Variants in DNAH11 observed in about 807,000 individuals in gnomAD.
DNAH11 encodes the protein dynein axonemal heavy chain 11.
A neutral mutation model predicts 526.0 loss-of-function variants in DNAH11; 442 were observed. The ratio of observed to expected loss-of-function variants is 0.84; its 90% confidence interval spans 0.78 to 0.91. The LOEUF is 0.91. Ranked by LOEUF, DNAH11 falls within the 40% of genes least tolerant of loss-of-function variation. DNAH11 has a pLI of 0.00. For synonymous variants in DNAH11, 2,461 were observed against 1,935.9 expected (o/e 1.27, Z -7.12); for missense variants, 6,989 against 5,448.7 (o/e 1.28, Z -8.90).
intron 54 of DNAH11, among the ~76,000 whole-genome samples, chr7:21,757,486 T>C (rs577963894): frequency 6.6e-6 from 1 of 152,338 alleles, no homozygotes; most frequent in South Asian, 2.1e-4. Flanking sequence ...TTTCTTTCCT[T>C]CCAGCCTTTT....
At chr7:21,634,035 A>C (rs570948750) in intron 25 of DNAH11, among the ~76,000 whole-genome samples, 4 of 152,246 alleles carry the variant, frequency 2.6e-5, no homozygotes, top group Non-Finnish European at 5.9e-5. Context: ...TAGTGTTAAC[A>C]TCTCTTCAGA....
chr7:21,738,734 G>C lies in DNAH11; in HGVS notation c.7679G>C (p.Gly2560Ala), dbSNP rs1192456656. Residue 2560 changes from glycine (G) to alanine (A), a missense_variant, in exon 47 of 82, where the codon GGT (glycine) becomes GCT (alanine). Gly to Ala is a moderately conservative substitution (Grantham distance 60). Transcript: ENST00000409508. ...GAGAAACCCCTAGAGAAAAAAGCTG[G>C]TCATAACTATGGTCCTGGAGGAAAT... is the stretch of plus-strand genomic sequence containing the variant. ...ILEKPLEKKA[G>A]HNYGPGGNKK... The C allele has an allele frequency of 3.8e-6, 6 of 1,583,126 alleles. No homozygotes were observed. Among genetic ancestry groups the C allele is most frequent in the Non-Finnish European group, 5.2e-6 (6 of 1,164,372 alleles).
At chr7:21,764,743 T>TA (rs1787097103) in intron 54 of DNAH11, among the ~76,000 whole-genome samples, 1 of 152,156 alleles carries the variant, frequency 6.6e-6, no homozygotes, top group Non-Finnish European at 1.5e-5. Context: ...CTTGTGTCCC[T>TA]AAAAAAAGTA....
intron 30 of DNAH11, among the ~76,000 whole-genome samples, chr7:21,669,555 G>C (rs140774736): frequency 6.6e-6 from 1 of 152,078 alleles, no homozygotes; most frequent in African/African-American, 2.4e-5. Flanking sequence ...TTTTCTTAAT[G>C]GCATATTTTA....
At chr7:21,595,425 A>G (rs780539472) in intron 14 of DNAH11, among the ~76,000 whole-genome samples, 13 of 152,232 alleles carry the variant, frequency 8.5e-5, no homozygotes, top group Non-Finnish European at 1.3e-4. Flanking sequence ...GGTAGCAGTG[A>G]AAGTGATTAG....
intron 45 of DNAH11, among the ~76,000 whole-genome samples, chr7:21,733,088 AAAG>A (rs1404136889): frequency 1.3e-5 from 2 of 152,186 alleles, no homozygotes; most frequent in Admixed American, 6.5e-5. Context: ...CTCTCCCAGC[AAAG>A]AAGAAGCAGG....
intron 39 of DNAH11, 23 bp downstream of exon 39, chr7:21,705,560 T>TG: frequency 1.2e-6 from 2 of 1,607,626 alleles, no homozygotes; most frequent in Non-Finnish European, 1.7e-6. Flanking sequence ...GCCTAATAGC[T>TG]TACAGCTATG....
intron 56 of DNAH11, among the ~76,000 whole-genome samples, chr7:21,775,633 C>G (rs1212409518): frequency 1.3e-5 from 2 of 150,948 alleles, no homozygotes; most frequent in Non-Finnish European, 1.5e-5. Context: ...AAAAACAAGT[C>G]TGTCTTTCCT....
chr7:21,578,704 C>T (rs1439263338), intron 8 of DNAH11, among the ~76,000 whole-genome samples: 1 of 152,220 alleles, frequency 6.6e-6, no homozygotes, highest in African/African-American at 2.4e-5. Context: ...GCCTAGACAT[C>T]CAGGTGTTTC....
rs1463277085 is a variant in DNAH11 at position 21,894,653 on chromosome 7, A to G, written c.12781A>G (p.Lys4261Glu). The G allele has an allele frequency of 1.2e-6, 2 of 1,613,802 alleles. No individual in the cohort carries two copies. The highest frequency in any genetic ancestry group is 1.7e-6 in the Non-Finnish European group (2 of 1,179,874). ...VKNVLDDILE[K>E]LPEEFNMAEI... is the part of the protein sequence containing the mutation. Reference sequence around the variant, plus strand: ...GAATGTCTTGGATGACATTTTGGAGAAACTTCCAGAAGAGTTCAACATGGC... The same window carrying G: ...GAATGTCTTGGATGACATTTTGGAGGAACTTCCAGAAGAGTTCAACATGGC... Residue 4261 changes from lysine (K) to glutamate (E), a missense_variant, in exon 78 of 82, where the codon AAA (lysine) becomes GAA (glutamate). Lys to Glu is a moderately conservative substitution (Grantham distance 56). Transcript: ENST00000409508.
At chr7:21,743,148 G>A (rs974464227) in intron 49 of DNAH11, among the ~76,000 whole-genome samples, 12 of 152,232 alleles carry the variant, frequency 7.9e-5, no homozygotes, top group African/African-American at 2.9e-4. Context: ...TCAGGCCATG[G>A]CATATGGTGA....
chr7:21,642,421 C>A (rs1238295739), intron 28 of DNAH11, among the ~76,000 whole-genome samples: 1 of 152,154 alleles, frequency 6.6e-6, no homozygotes, highest in Non-Finnish European at 1.5e-5. Flanking sequence ...TGCTCACTAA[C>A]TATGGAATAA....
intron 12 of DNAH11, among the ~76,000 whole-genome samples, chr7:21,590,220 G>T (rs1784624174): frequency 1.3e-5 from 2 of 152,038 alleles, no homozygotes; most frequent in African/African-American, 4.8e-5. Flanking sequence ...TGCTAGATGT[G>T]CATGTATATA....
chr7:21,762,398 G>A (rs1260822009), intron 54 of DNAH11, among the ~76,000 whole-genome samples: 2 of 152,198 alleles, frequency 1.3e-5, no homozygotes, highest in Non-Finnish European at 2.9e-5. Flanking sequence ...TCAAATAAAA[G>A]ATGCTTTTTT....
At chr7:21,828,939 CCTT>C (rs1790427581) in intron 65 of DNAH11, among the ~76,000 whole-genome samples, 1 of 152,010 alleles carries the variant, frequency 6.6e-6, no homozygotes, top group Non-Finnish European at 1.5e-5. Flanking sequence ...GGTTTTCTTT[CCTT>C]CTTTTCCTTG....
intron 30 of DNAH11, among the ~76,000 whole-genome samples, chr7:21,672,829 TG>T (rs1463820257): frequency 6.6e-6 from 1 of 152,078 alleles, no homozygotes; most frequent in Non-Finnish European, 1.5e-5. Flanking sequence ...CAGGAAAAAA[TG>T]GGGGACCAGC....
intron 30 of DNAH11, among the ~76,000 whole-genome samples, chr7:21,667,924 A>C: frequency 6.6e-6 from 1 of 152,198 alleles, no homozygotes. Flanking sequence ...TAATCATGGT[A>C]GTCAAAGATG....
At chr7:21,809,742 T>C (rs985347373) in intron 63 of DNAH11, among the ~76,000 whole-genome samples, 2 of 151,822 alleles carry the variant, frequency 1.3e-5, no homozygotes, top group South Asian at 4.2e-4. Context: ...TTTTTTGTAT[T>C]TTTAGTAGAG....
At chr7:21,721,574 C>T (rs562034837) in intron 44 of DNAH11, among the ~76,000 whole-genome samples, 1 of 152,172 alleles carries the variant, frequency 6.6e-6, no homozygotes, top group African/African-American at 2.4e-5. Context: ...ACCTTTCAGA[C>T]CGCCACTTTC....
Sources: allele counts gnomAD v4.1 joint callset (sites outside exome capture counted in the v4.1 genomes callset), GRCh38; gene constraint gnomAD v4.1.1; transcripts MANE v1.5; gene names NCBI Gene and HGNC (gene_info 2026-07-23, HGNC 2026-07-21).